Variants in PIK3R3 observed in about 807,000 individuals in gnomAD.
The protein encoded by PIK3R3 is phosphoinositide-3-kinase regulatory subunit 3, also known as phosphatidylinositol 3-kinase regulatory subunit gamma.
A neutral mutation model predicts 62.9 loss-of-function variants in PIK3R3; 64 were observed. The observed-to-expected ratio is 1.02, with a 90% CI of 0.83 to 1.25. The LOEUF (loss-of-function observed/expected upper bound fraction) is 1.25. PIK3R3 is among the 50% of genes most tolerant of loss of function. The pLI is 0.00. For synonymous variants in PIK3R3, 165 were observed against 189.0 expected (o/e 0.87, Z 1.04); for missense variants, 614 against 561.6 (o/e 1.09, Z -0.94).
intron 3 of PIK3R3, among the ~76,000 whole-genome samples, chr1:46,071,730 T>TATATAGAGAGAGAGAGAGAGAGAG (rs1163343399): frequency 1.7e-5 from 1 of 59,046 alleles, no homozygotes; most frequent in African/African-American, 7.9e-5. Flanking sequence ...TATATATATA[T>TATATAGAGAGAGAGAGAGAGAGAG]AGAGAGAGAG....
At chr1:46,113,863 A>G (rs1305191499) in intron 1 of PIK3R3, among the ~76,000 whole-genome samples, 1 of 152,234 alleles carries the variant, frequency 6.6e-6, no homozygotes, top group Non-Finnish European at 1.5e-5. Context: ...AATGAGGACT[A>G]AAGACACTAA....
At chr1:46,050,237 A>T (rs564337789) in intron 7 of PIK3R3, among the ~76,000 whole-genome samples, 99 of 152,162 alleles carry the variant, frequency 6.5e-4, no homozygotes, top group Non-Finnish European at 1.2e-3. Context: ...TTAAAAAGAA[A>T]AATCACTTAT....
chr1:46,115,422 A>T (rs1020912337), intron 1 of PIK3R3, among the ~76,000 whole-genome samples: 4 of 152,258 alleles, frequency 2.6e-5, no homozygotes, highest in Non-Finnish European at 5.9e-5. Context: ...TAGAAAATAC[A>T]GCCTAGTCAG....
chr1:46,091,998 T>C (rs541413436), intron 1 of PIK3R3, among the ~76,000 whole-genome samples: 1 of 152,314 alleles, frequency 6.6e-6, no homozygotes, highest in African/African-American at 2.4e-5. Flanking sequence ...CCACAGTTGT[T>C]TGTTATTTCA....
intron 1 of PIK3R3, among the ~76,000 whole-genome samples, chr1:46,081,096 T>C (rs368985791): frequency 3.2e-4 from 49 of 152,276 alleles, no homozygotes; most frequent in Admixed American, 1.3e-3. Context: ...GTTAATAACA[T>C]TGTATTATAT....
At chr1:46,134,135 T>C (rs191590845), upstream of PIK3R3, among the ~76,000 whole-genome samples, 101 of 152,282 alleles carry the variant, frequency 6.6e-4, no homozygotes, top group African/African-American at 2.3e-3. Flanking sequence ...CAAAAACTGC[T>C]CCATTTCCTC....
rs74227072 is a variant in PIK3R3 at position 46,079,521 on chromosome 1, A to C, written c.215+1121T>G. ...GACTTTGGAACCACTGGCTTAAGAG[A>C]AAGAAAGGTACAGAAATGTTAAGTA... On this transcript the variant is annotated intron_variant, in intron 2 of 9. Coordinates refer to ENST00000262741, the MANE Select transcript of PIK3R3 (RefSeq NM_003629.4). 5.4e-4 allele frequency among the ~76,000 whole-genome samples: 83 copies of C among 152,330 alleles called. No individual in the cohort carries two copies. In the East Asian group the frequency reaches 0.013, roughly 24 times the overall value.
chr1:46,103,944 G>C (rs1652950923), intron 1 of PIK3R3, among the ~76,000 whole-genome samples: 1 of 149,758 alleles, frequency 6.7e-6, no homozygotes, highest in South Asian at 2.1e-4. Context: ...TTGTTTTTTT[G>C]AGATGGAGTC....
At chr1:46,057,163 G>C (rs552318372) in intron 6 of PIK3R3, 2 of 152,786 alleles carry the variant, frequency 1.3e-5, no homozygotes, top group Non-Finnish European at 2.9e-5. Context: ...GTTTTATCAG[G>C]GGTTTCTGCT....
intron 1 of PIK3R3, among the ~76,000 whole-genome samples, chr1:46,082,759 C>T (rs539956090): frequency 1.3e-5 from 2 of 152,006 alleles, no homozygotes; most frequent in Admixed American, 1.3e-4. Context: ...TGAATATTTC[C>T]CCCCAAAGAG....
chr1:46,049,376 C>A (rs1647198554), intron 7 of PIK3R3, among the ~76,000 whole-genome samples: 1 of 152,184 alleles, frequency 6.6e-6, no homozygotes, highest in Admixed American at 6.5e-5. Context: ...AGCTGGGAAG[C>A]CCCTGAGAGA....
chr1:46,112,721 A>G (rs1211010849), intron 1 of PIK3R3, among the ~76,000 whole-genome samples: 1 of 152,154 alleles, frequency 6.6e-6, no homozygotes, highest in Non-Finnish European at 1.5e-5. Context: ...ATTTACTATC[A>G]TCCGCTCTAG....
chr1:46,095,507 G>A (rs966790900), intron 1 of PIK3R3, among the ~76,000 whole-genome samples: 14 of 152,132 alleles, frequency 9.2e-5, no homozygotes, highest in African/African-American at 2.9e-4. Flanking sequence ...GGCCTGTCGC[G>A]GGGTGGTAGG....
At position 46,040,393 on chromosome 1, in the gene PIK3R3, C is replaced by T. The variant is rs763981003; in HGVS notation, c.*3280G>A. 36 of 230,890 alleles carry T rather than the reference C, an allele frequency of 1.6e-4. No homozygotes were observed. Among genetic ancestry groups the T allele is most frequent in the Middle Eastern group, 1.3e-3 (1 of 778 alleles). The allele number at this position is 230,890 out of a possible 1,614,324, so 14.3% of individuals were successfully genotyped here. The stretch of plus-strand genomic sequence containing the variant: ...CTTTCTTGTGAGTCAGATATTTTTA[C>T]GTAAACTACACGAATTTTCTTGGAC... On this transcript the variant is annotated 3_prime_UTR_variant, in exon 10 of 10. Transcript: ENST00000262741.
intron 1 of PIK3R3, among the ~76,000 whole-genome samples, chr1:46,103,021 A>C (rs1266231747): frequency 6.6e-6 from 1 of 152,194 alleles, no homozygotes; most frequent in Admixed American, 6.5e-5. Context: ...CATATGCTAC[A>C]ATATAACTGA....
chr1:46,133,273 A>T (rs1571592279), upstream of PIK3R3, among the ~76,000 whole-genome samples: 1 of 152,264 alleles, frequency 6.6e-6, no homozygotes. Flanking sequence ...AGGCTGGGCG[A>T]GCGCTCGGGG....
At chr1:46,061,655 C>A (rs1648492195) in intron 6 of PIK3R3, among the ~76,000 whole-genome samples, 1 of 152,158 alleles carries the variant, frequency 6.6e-6, no homozygotes, top group South Asian at 2.1e-4. Context: ...AATACAGCCC[C>A]TAAATTGGTC....
intron 1 of PIK3R3, among the ~76,000 whole-genome samples, chr1:46,107,814 C>T (rs1224073587): frequency 6.6e-6 from 1 of 152,164 alleles, no homozygotes; most frequent in Non-Finnish European, 1.5e-5. Context: ...TATATTGTTA[C>T]TCTCCTTTGA....
chr1:46,131,717 TG>T, intron 1 of PIK3R3, 129 bp downstream of exon 1: 1 of 697,246 alleles, frequency 1.4e-6, no homozygotes, highest in Non-Finnish European at 2.4e-6. Flanking sequence ...TTACCGCAGC[TG>T]TAACTGCAAA....
Sources: allele counts gnomAD v4.1 joint callset (sites outside exome capture counted in the v4.1 genomes callset), GRCh38; gene constraint gnomAD v4.1.1; transcripts MANE v1.5; gene names NCBI Gene and HGNC (gene_info 2026-07-23, HGNC 2026-07-21).